Variants in CCSER1 observed in about 807,000 individuals in gnomAD.
The protein encoded by CCSER1 is serine-rich coiled-coil domain-containing protein 1.
Under a neutral mutation model 82.0 loss-of-function variants are expected in CCSER1, and 41 were observed. The ratio of observed to expected loss-of-function variants is 0.50; its 90% CI spans 0.39 to 0.65. The LOEUF (loss-of-function observed/expected upper bound fraction) is 0.65. CCSER1 is among the 30% of genes least tolerant of loss of function. The pLI is 0.00. For missense variants in CCSER1, 1,119 were observed against 1,064.2 expected, an observed-to-expected ratio of 1.05 and a Z score of -0.72; for synonymous variants, 414 against 383.9, an observed-to-expected ratio of 1.08 and a Z score of -0.92.
intron 6 of CCSER1, among the ~76,000 whole-genome samples, chr4:90,665,875 G>A (rs139562292): frequency 6.6e-6 from 1 of 152,102 alleles, no homozygotes; most frequent in Non-Finnish European, 1.5e-5. Flanking sequence ...TGGCAGTTTG[G>A]GCTCTTATGT....
At chr4:90,423,328 C>T (rs868143973) in intron 4 of CCSER1, among the ~76,000 whole-genome samples, 8 of 152,218 alleles carry the variant, frequency 5.3e-5, no homozygotes, top group Admixed American at 6.5e-5. Context: ...TGGGTTCAAA[C>T]GATTCCCCTG....
chr4:91,172,600 G>A lies in CCSER1; in HGVS notation c.2217+86606G>A, dbSNP rs529747529. 1.1e-3 allele frequency among the ~76,000 whole-genome samples: 167 copies of A among 152,200 alleles called. 2 individuals are homozygous for A. Among genetic ancestry groups the A allele is most frequent in the African/African-American group, 3.8e-3 (156 of 41,530 alleles). Reference sequence around the variant, plus strand: ...GGGTGCTTTGCTGAGTGCAGTATACGTGATGCCTCATTTTGTCATCACACC... The same window carrying A: ...GGGTGCTTTGCTGAGTGCAGTATACATGATGCCTCATTTTGTCATCACACC... On this transcript the variant is annotated intron_variant, in intron 10 of 10. Coordinates refer to ENST00000509176, the MANE Select transcript of CCSER1 (RefSeq NM_001145065.2).
intron 1 of CCSER1, among the ~76,000 whole-genome samples, chr4:90,154,380 A>G (rs1483639957): frequency 3.3e-5 from 5 of 152,296 alleles, no homozygotes; most frequent in East Asian, 3.9e-4. Context: ...TTGGTTCCAT[A>G]TGAACTTTTA....
chr4:90,270,115 A>G (rs1399128593), intron 1 of CCSER1, among the ~76,000 whole-genome samples: 1 of 152,062 alleles, frequency 6.6e-6, no homozygotes, highest in Non-Finnish European at 1.5e-5. Context: ...TACCAGTCCC[A>G]CTGCAACTAC....
chr4:90,643,407 T>C (rs1274258610), intron 6 of CCSER1, among the ~76,000 whole-genome samples: 1 of 152,168 alleles, frequency 6.6e-6, no homozygotes. Flanking sequence ...ATGGGAGGCA[T>C]TGGGTCCGTG....
chr4:91,504,376 C>G (rs538270369), intron 10 of CCSER1, among the ~76,000 whole-genome samples: 15 of 152,032 alleles, frequency 9.9e-5, no homozygotes, highest in African/African-American at 3.6e-4. Context: ...CTAAAATTTC[C>G]TAAGTTGACA....
intron 8 of CCSER1, among the ~76,000 whole-genome samples, chr4:90,869,537 T>C (rs1442766484): frequency 6.6e-6 from 1 of 152,018 alleles, no homozygotes; most frequent in Admixed American, 6.6e-5. Context: ...TTATGGATTT[T>C]CTATTTTGTT....
intron 1 of CCSER1, among the ~76,000 whole-genome samples, chr4:90,223,283 CAA>C (rs1255195690): frequency 2.0e-5 from 3 of 151,872 alleles, no homozygotes; most frequent in African/African-American, 4.8e-5. Context: ...GGATTTTTGT[CAA>C]AAGACTGTAA....
At chr4:90,538,328 A>G (rs1579042172) in intron 5 of CCSER1, among the ~76,000 whole-genome samples, 1 of 152,188 alleles carries the variant, frequency 6.6e-6, no homozygotes, top group East Asian at 1.9e-4. Flanking sequence ...CATAGAATTT[A>G]ACTTTTAATT....
intron 8 of CCSER1, among the ~76,000 whole-genome samples, chr4:90,825,135 G>T (rs539905989): frequency 6.6e-5 from 10 of 152,232 alleles, no homozygotes; most frequent in South Asian, 4.2e-4. Flanking sequence ...ATCACAAAGG[G>T]TTGTTATATT....
At chr4:90,732,497 G>A (rs2149408271) in intron 7 of CCSER1, among the ~76,000 whole-genome samples, 1 of 152,240 alleles carries the variant, frequency 6.6e-6, no homozygotes, top group South Asian at 2.1e-4. Context: ...TGTACCTAGT[G>A]TATATCCATA....
chr4:90,981,366 T>C (rs1736100860), intron 9 of CCSER1, among the ~76,000 whole-genome samples: 1 of 151,814 alleles, frequency 6.6e-6, no homozygotes, highest in Non-Finnish European at 1.5e-5. Context: ...TGAAAATTTA[T>C]TGAAGTTGAA....
chr4:91,140,370 A>G lies in CCSER1; in HGVS notation c.2217+54376A>G, dbSNP rs907671108. On this transcript the variant is annotated intron_variant, in intron 10 of 10. Transcript: ENST00000509176. Reference sequence around the variant, plus strand: ...ATCAATTTATTGGTAATATTGCTTAATAATAGTCCTTTAAAACTCCAATTA... The same window carrying G: ...ATCAATTTATTGGTAATATTGCTTAGTAATAGTCCTTTAAAACTCCAATTA... 2.6e-5 allele frequency among the ~76,000 whole-genome samples: 4 copies of G among 151,978 alleles called. No individual in the cohort carries two copies. The South Asian group carries it at 8.3e-4, about 32-fold the overall frequency.
chr4:91,580,415 A>AT (rs547511357), intron 10 of CCSER1, among the ~76,000 whole-genome samples: 26 of 150,912 alleles, frequency 1.7e-4, no homozygotes, highest in South Asian at 4.2e-4. Context: ...TCTAACAATA[A>AT]TTTTTTTTTG....
At chr4:90,721,377 T>A (rs7663098) in intron 6 of CCSER1, among the ~76,000 whole-genome samples, 2,706 of 150,162 alleles carry the variant, frequency 0.018, 63 homozygotes, top group African/African-American at 0.056. Flanking sequence ...TAAAAAAAAA[T>A]TCATGAGAAT....
intron 10 of CCSER1, among the ~76,000 whole-genome samples, chr4:91,485,769 C>T (rs1758186172): frequency 6.6e-6 from 1 of 152,084 alleles, no homozygotes; most frequent in Admixed American, 6.6e-5. Context: ...TTCACTTCTT[C>T]ATATACTTGG....
intron 8 of CCSER1, among the ~76,000 whole-genome samples, chr4:90,879,603 A>G (rs12163897): frequency 0.044 from 3,191 of 72,444 alleles, 120 homozygotes; most frequent in African/African-American, 0.14. Flanking sequence ...AGGAGGAGGA[A>G]GAAGAGGAGG....
At chr4:90,833,718 A>T (rs1761424588) in intron 8 of CCSER1, among the ~76,000 whole-genome samples, 1 of 152,200 alleles carries the variant, frequency 6.6e-6, no homozygotes, top group South Asian at 2.1e-4. Context: ...TAAACAAACA[A>T]ACCCTTTTCC....
intron 10 of CCSER1, among the ~76,000 whole-genome samples, chr4:91,313,533 C>T (rs1745635715): frequency 6.6e-6 from 1 of 151,852 alleles, no homozygotes; most frequent in African/African-American, 2.4e-5. Context: ...TCGGTTGATG[C>T]CTGTTTAAAA....
Sources: allele counts gnomAD v4.1 joint callset (sites outside exome capture counted in the v4.1 genomes callset), GRCh38; gene constraint gnomAD v4.1.1; transcripts MANE v1.5; gene names NCBI Gene and HGNC (gene_info 2026-07-23, HGNC 2026-07-21).